The following TEAD1 variants were observed in gnomAD, a reference collection of about 807,000 sequenced individuals.
TEAD1 encodes the protein transcriptional enhancer factor TEF-1.
A neutral mutation model predicts 54.9 loss-of-function variants in TEAD1; 9 were observed. The ratio of observed to expected loss-of-function variants is 0.16; its 90% CI spans 0.10 to 0.29. The LOEUF is 0.29. Among genes scored for constraint, TEAD1 ranks in the 10% least tolerant of loss-of-function variants. The pLI is 1.00. For synonymous variants in TEAD1, 200 were observed against 187.8 expected (o/e 1.07, Z -0.53); for missense variants, 387 against 535.9 (o/e 0.72, Z 2.74).
intron 2 of TEAD1, among the ~76,000 whole-genome samples, chr11:12,736,151 CCT>C (rs1407650185): frequency 6.6e-6 from 1 of 152,132 alleles, no homozygotes; most frequent in South Asian, 2.1e-4. Flanking sequence ...CTCTTGGATT[CCT>C]CTCTGTGAAT....
At chr11:12,839,112 T>TA (rs74883882) in intron 3 of TEAD1, among the ~76,000 whole-genome samples, 108 of 146,930 alleles carry the variant, frequency 7.4e-4, no homozygotes, top group Middle Eastern at 3.5e-3. Flanking sequence ...ATTTACTTAT[T>TA]AAAAAAAAAA....
intron 3 of TEAD1, among the ~76,000 whole-genome samples, chr11:12,853,567 T>C (rs911413644): frequency 2.0e-5 from 3 of 152,198 alleles, no homozygotes; most frequent in African/African-American, 7.2e-5. Flanking sequence ...TCATAGAGAA[T>C]GAGCCACTAA....
intron 3 of TEAD1, among the ~76,000 whole-genome samples, chr11:12,822,229 T>G (rs537451843): frequency 1.3e-5 from 2 of 152,280 alleles, no homozygotes; most frequent in East Asian, 3.9e-4. Flanking sequence ...CCCGAAGTGT[T>G]GGGATTACAG....
intron 2 of TEAD1, among the ~76,000 whole-genome samples, chr11:12,721,932 C>T (rs890421177): frequency 6.6e-6 from 1 of 152,106 alleles, no homozygotes; most frequent in Non-Finnish European, 1.5e-5. Context: ...CTCAAACATC[C>T]CTGTGCGTAA....
At chr11:12,871,565 C>G (rs747784728) in intron 5 of TEAD1, among the ~76,000 whole-genome samples, 10 of 152,038 alleles carry the variant, frequency 6.6e-5, no homozygotes, top group African/African-American at 1.2e-4. Context: ...TTCAGTTGCC[C>G]TAAGAAGTTG....
At chr11:12,788,954 T>G (rs1945741425) in intron 3 of TEAD1, among the ~76,000 whole-genome samples, 1 of 152,204 alleles carries the variant, frequency 6.6e-6, no homozygotes, top group Non-Finnish European at 1.5e-5. Flanking sequence ...CTGGCTGTGT[T>G]GCCCACGCTG....
intron 5 of TEAD1, among the ~76,000 whole-genome samples, chr11:12,873,038 G>A (rs570720495): frequency 6.6e-6 from 1 of 152,314 alleles, no homozygotes; most frequent in Non-Finnish European, 1.5e-5. Context: ...GGTGCCACAA[G>A]CCAAGCTCTT....
Position 12,939,361 on chromosome 11 carries a change from T to A in TEAD1, c.*2139T>A, listed in dbSNP as rs1949139069. 6.6e-6 allele frequency: 1 copy of A among 152,224 alleles called. No homozygotes were observed. The highest frequency in any genetic ancestry group is 1.5e-5 in the Non-Finnish European group (1 of 68,124). 9.4% of individuals were successfully genotyped at this position (152,224 alleles called of 1,614,324 possible). On this transcript the variant is annotated 3_prime_UTR_variant, in exon 13 of 13. Coordinates refer to ENST00000527636, the MANE Select transcript of TEAD1 (RefSeq NM_021961.6). ...TCTTTCCTTAAGGGAAGCCCCATCC[T>A]CTCCCAGGACCAGGAGTTTATGACC...
chr11:12,862,897 G>A (rs1947536098), intron 4 of TEAD1, among the ~76,000 whole-genome samples: 2 of 152,104 alleles, frequency 1.3e-5, no homozygotes, highest in African/African-American at 4.8e-5. Context: ...GGAATTCTCT[G>A]CCCTTTGGCA....
intron 3 of TEAD1, among the ~76,000 whole-genome samples, chr11:12,824,911 A>G (rs1946619524): frequency 6.6e-6 from 1 of 152,198 alleles, no homozygotes; most frequent in Non-Finnish European, 1.5e-5. Flanking sequence ...TACTTCGAGC[A>G]TTCATTACAT....
At chr11:12,707,124 T>C (rs11607878) in intron 2 of TEAD1, among the ~76,000 whole-genome samples, 1 of 150,330 alleles carries the variant, frequency 6.7e-6, no homozygotes, top group African/African-American at 2.5e-5. Flanking sequence ...CTTTTTTTTT[T>C]TTTTTTTTTT....
At chr11:12,680,336 G>A (rs147080312) in intron 2 of TEAD1, among the ~76,000 whole-genome samples, 5 of 152,322 alleles carry the variant, frequency 3.3e-5, no homozygotes, top group South Asian at 2.1e-4. Flanking sequence ...TGGGCCTTCC[G>A]ACTTTCGTCC....
intron 2 of TEAD1, among the ~76,000 whole-genome samples, chr11:12,700,384 A>C (rs1943673343): frequency 2.0e-5 from 3 of 152,204 alleles, no homozygotes. Context: ...ACCTGTGTGC[A>C]CTTTATGGAC....
intron 3 of TEAD1, among the ~76,000 whole-genome samples, chr11:12,815,290 C>T (rs529476482): frequency 1.1e-4 from 16 of 152,214 alleles, no homozygotes; most frequent in Admixed American, 4.6e-4. Flanking sequence ...TTCTTCCCTC[C>T]CTCCCTTCCC....
At chr11:12,765,638 C>T (rs906377024) in intron 3 of TEAD1, among the ~76,000 whole-genome samples, 1 of 151,980 alleles carries the variant, frequency 6.6e-6, no homozygotes, top group Non-Finnish European at 1.5e-5. Flanking sequence ...CCACCCCGCC[C>T]TCCTCCTCTC....
At chr11:12,868,494 C>G (rs1004366363) in intron 5 of TEAD1, among the ~76,000 whole-genome samples, 2 of 152,264 alleles carry the variant, frequency 1.3e-5, no homozygotes, top group South Asian at 4.1e-4. Flanking sequence ...CATTTGATGT[C>G]ACATTGATAG....
intron 3 of TEAD1, among the ~76,000 whole-genome samples, chr11:12,807,324 C>T (rs1590170513): frequency 6.6e-6 from 1 of 152,278 alleles, no homozygotes; most frequent in Admixed American, 6.5e-5. Context: ...GAAACGAATT[C>T]TCTGTAGGAT....
rs1200965763 is a variant in TEAD1, at chr11:12,719,949, G to GTTTTTTTTTTT, written c.-54-44195_-54-44185dup. 7.5e-5 allele frequency among the ~76,000 whole-genome samples: 3 copies of GTTTTTTTTTTT among 40,018 alleles called. 1 individual carries two copies. Among genetic ancestry groups the GTTTTTTTTTTT allele is most frequent in the Non-Finnish European group, 1.9e-4 (3 of 15,540 alleles). The allele number at this position is 40,018 out of a possible 152,430, so 26.3% of individuals were successfully genotyped here. A position where few individuals can be genotyped will look rare whatever the true frequency, so the allele number is the denominator to read the frequency against. On this transcript the variant is annotated intron_variant, in intron 2 of 12. Transcript: ENST00000527636. ...ACCGGCGTGTGTTTGGAAATCTAATGTTTTTTTTTTTTTTTTTTTTTTTTT... is the reference window on the plus strand; with the variant it reads ...ACCGGCGTGTGTTTGGAAATCTAATGTTTTTTTTTTTTTTTTTTTTTTTTTTTTTTTTTTTT...
At chr11:12,836,008 A>T (rs137973071) in intron 3 of TEAD1, among the ~76,000 whole-genome samples, 10 of 152,308 alleles carry the variant, frequency 6.6e-5, no homozygotes, top group Non-Finnish European at 1.3e-4. Context: ...AAGAAATGAT[A>T]AGAATATGAG....
Sources: gnomAD v4.1 joint callset for allele counts (sites outside exome capture counted in the v4.1 genomes callset) on GRCh38, gnomAD v4.1.1 for gene constraint, MANE v1.5 for transcripts, NCBI Gene and HGNC (gene_info 2026-07-23, HGNC 2026-07-21) for gene names.